The following C5orf22 variants were observed in gnomAD, a reference collection of about 807,000 sequenced individuals.
C5orf22 encodes UPF0489 protein C5orf22.
C5orf22 carries 36 observed loss-of-function variants against 48.7 expected under a neutral mutation model. The observed-to-expected ratio is 0.74, with a 90% CI of 0.57 to 0.98. The LOEUF (loss-of-function observed/expected upper bound fraction) is 0.98, where lower values mean the gene tolerates loss of function less well. C5orf22 is among the 50% of genes least tolerant of loss of function. The probability of loss-of-function intolerance (pLI) is 0.00; values close to 1 mark genes in which losing one functional copy is unlikely to be tolerated. For synonymous variants in C5orf22, 141 were observed against 180.8 expected, an observed-to-expected ratio of 0.78 and a Z score of 1.76; for missense variants, 486 against 521.9, an observed-to-expected ratio of 0.93 and a Z score of 0.67.
Position 31,535,045 on chromosome 5 carries a change from TTCA to T in C5orf22, c.227+629_227+631del, listed in dbSNP as rs761751222. 2.7e-4 allele frequency: 123 copies of T among 453,386 alleles called. 5 individuals carry two copies. The highest frequency in any genetic ancestry group is 1.9e-3 in the South Asian group (123 of 63,744). 28.1% of individuals were successfully genotyped at this position (453,386 alleles called of 1,614,324 possible). On this transcript the variant is annotated intron_variant, in intron 2 of 8. Transcript: ENST00000325366. ...GAAATATATGATGAAGATTCAGGCT[TTCA>T]CAGGCATGTAATTGGAAAAGGAAAG...
chr5:31,553,520 G>T lies in C5orf22; in HGVS notation c.*618G>T, dbSNP rs1743421322. 6.6e-6 allele frequency: 1 copy of T among 150,544 alleles called. No homozygotes were observed. Among genetic ancestry groups the T allele is most frequent in the African/African-American group, 2.5e-5 (1 of 40,804 alleles). 9.3% of individuals were successfully genotyped at this position (150,544 alleles called of 1,614,324 possible). A position where few individuals can be genotyped will look rare whatever the true frequency, so the allele number is the denominator to read the frequency against. Reference sequence around the variant, plus strand: ...GGGTCTCACCATGTTACCCAGGCTGGTCTCAAACTCCTGGGCACAAGCAAT... The same window carrying T: ...GGGTCTCACCATGTTACCCAGGCTGTTCTCAAACTCCTGGGCACAAGCAAT... On this transcript the variant is annotated 3_prime_UTR_variant, in exon 9 of 9. Coordinates refer to ENST00000325366, the MANE Select transcript of C5orf22 (RefSeq NM_018356.3).
rs145045522 is a variant in C5orf22, at chr5:31,538,569, C to T, written c.687C>T (p.Cys229=). Reference sequence around the variant, plus strand: ...CATGTTCTTCTGAAAATCAGGAATGCCAGACTGCTGCCAGCACTGGGGAAA... The same window carrying T: ...CATGTTCTTCTGAAAATCAGGAATGTCAGACTGCTGCCAGCACTGGGGAAA... ...SCSCSSENQE[C]QTAASTGEIL... is the part of the protein sequence containing the mutation. Residue 229 remains cysteine (C), a synonymous_variant, in exon 4 of 9, where the codon TGC becomes TGT. Coordinates refer to ENST00000325366, the MANE Select transcript of C5orf22 (RefSeq NM_018356.3). 665 of 1,613,942 alleles carry T rather than the reference C, an allele frequency of 4.1e-4. No individual in the cohort carries two copies. Among genetic ancestry groups the T allele is most frequent in the Non-Finnish European group, 5.5e-4 (647 of 1,179,898 alleles).
intron 7 of C5orf22, chr5:31,548,591 AG>A (rs1743043291): frequency 2.2e-6 from 1 of 451,406 alleles, no homozygotes; most frequent in Non-Finnish European, 4.4e-6. Context: ...ACAAGTCTCT[AG>A]GAAGTTCCAA....
intron 6 of C5orf22, among the ~76,000 whole-genome samples, chr5:31,542,745 G>A (rs1202479042): frequency 3.9e-5 from 6 of 152,096 alleles, no homozygotes; most frequent in African/African-American, 9.7e-5. Flanking sequence ...ATCTCAAACA[G>A]CCAGAAAACT....
intron 1 of C5orf22, among the ~76,000 whole-genome samples, chr5:31,533,005 A>G (rs900401944): frequency 2.0e-5 from 3 of 151,808 alleles, no homozygotes; most frequent in African/African-American, 7.3e-5. Context: ...CCCAGACTGG[A>G]GTGCAGTGGC....
chr5:31,538,466 GT>G lies in C5orf22; in HGVS notation c.585del (p.Cys195TrpfsTer22). 1 of 1,614,178 alleles carries G rather than the reference GT, an allele frequency of 6.2e-7. No individual in the cohort carries two copies. The highest frequency in any genetic ancestry group is 1.3e-5 in the African/African-American group (1 of 75,062). ...EDSENTASTN[C>X]DSSSEGLEKD... ...TCGGAAAACACTGCCTCTACTAACT[GT>G]GACTCTTCTTCAGAAGGACTGGAAA... On this transcript the variant is annotated frameshift_variant, in exon 4 of 9. Transcript: ENST00000325366. LOFTEE classifies it high-confidence loss of function.
intron 1 of C5orf22, 57 bp from the exon 2 acceptor site, chr5:31,534,215 G>A: frequency 7.1e-7 from 1 of 1,412,530 alleles, no homozygotes; most frequent in Non-Finnish European, 9.8e-7. Context: ...GTCTGCAGTT[G>A]AGTGTGTGCT....
chr5:31,538,631 T>C lies in C5orf22; in HGVS notation c.749T>C (p.Leu250Ser). ...TTGAAGAAAGGGAAGGCATTTGTTT[T>C]AGATATTGACTTGGATTTTTTTTCA... ...EILKKGKAFV[L>S]DIDLDFFSVK... The change falls in exon 4 of 9, where the codon TTA (leucine) becomes TCA (serine). Residue 250 changes from leucine to serine, a missense_variant. Physicochemically the swap from Leu to Ser is moderately radical, Grantham distance 145 (BLOSUM62 -2). Transcript: ENST00000325366. 6.2e-7 allele frequency: 1 copy of C among 1,614,054 alleles called. No individual in the cohort carries two copies. The highest frequency in any genetic ancestry group is 8.5e-7 in the Non-Finnish European group (1 of 1,179,976).
chr5:31,538,400 C>T lies in C5orf22; in HGVS notation c.518C>T (p.Ala173Val). 6.2e-7 allele frequency: 1 copy of T among 1,614,146 alleles called. No homozygotes were observed. Among genetic ancestry groups the T allele is most frequent in the South Asian group, 1.1e-5 (1 of 91,086 alleles). The change falls in exon 4 of 9, where the codon GCA (alanine) becomes GTA (valine). Residue 173 changes from alanine (A) to valine (V), a missense_variant. Transcript: ENST00000325366. ...KLCNNQEENDAVSSAKKPKLA... is the reference protein window; with the variant it reads ...KLCNNQEENDVVSSAKKPKLA... ...TGTAACAATCAAGAAGAAAACGATG[C>T]AGTGTCTTCTGCTAAGAAACCAAAG...
chr5:31,544,180 C>G (rs6884837), intron 6 of C5orf22, among the ~76,000 whole-genome samples: 37,825 of 152,044 alleles, frequency 0.25, 5,467 homozygotes, highest in Non-Finnish European at 0.34. Context: ...TTTTTTCTTT[C>G]TTTTTTTACT....
At chr5:31,551,082 A>G (rs1743228052) in intron 7 of C5orf22, among the ~76,000 whole-genome samples, 1 of 152,240 alleles carries the variant, frequency 6.6e-6, no homozygotes, top group Admixed American at 6.5e-5. Flanking sequence ...AAAATATTAA[A>G]AATTAAAAGT....
rs530349421 is a variant in C5orf22 at position 31,535,122 on chromosome 5, C to T, written c.228-622C>T. 2.1e-4 allele frequency: 82 copies of T among 391,478 alleles called. 2 individuals carry two copies. Among genetic ancestry groups the T allele is most frequent in the South Asian group, 1.1e-3 (60 of 54,460 alleles). The allele number at this position is 391,478 out of a possible 1,614,324, so 24.3% of individuals were successfully genotyped here. On this transcript the variant is annotated intron_variant, in intron 2 of 8. Transcript: ENST00000325366. ...TAATTGTGAATATTCTTTGATAGTGCGCCAAAACTTGAAAAGTAGTAGTTT... is the reference window on the plus strand; with the variant it reads ...TAATTGTGAATATTCTTTGATAGTGTGCCAAAACTTGAAAAGTAGTAGTTT...
chr5:31,549,577 G>T (rs914170060), intron 7 of C5orf22, among the ~76,000 whole-genome samples: 2 of 151,932 alleles, frequency 1.3e-5, no homozygotes, highest in Non-Finnish European at 2.9e-5. Flanking sequence ...GATACTTAAG[G>T]TTTGAAAATG....
intron 7 of C5orf22, among the ~76,000 whole-genome samples, chr5:31,547,741 A>C (rs948822759): frequency 2.6e-5 from 4 of 152,132 alleles, no homozygotes; most frequent in African/African-American, 9.7e-5. Flanking sequence ...TAGGCTGTAC[A>C]CAGCACTGGG....
rs965229157 is a variant in C5orf22 at position 31,551,426 on chromosome 5, T to C, written c.1193T>C (p.Ile398Thr). The C allele has an allele frequency of 6.2e-7, 1 of 1,610,154 alleles. No homozygotes were observed. The highest frequency in any genetic ancestry group is 1.7e-5 in the Admixed American group (1 of 59,264). ...KNLPNPTLVTIARSSLDDYCP... is the reference protein window; with the variant it reads ...KNLPNPTLVTTARSSLDDYCP... ...TTACCAAATCCTACTCTTGTGACAA[T>C]TGCAAGGTAAGTGTGTTCAGCAGAA... is the stretch of plus-strand genomic sequence containing the variant. Residue 398 changes from isoleucine to threonine, a missense_variant, in exon 8 of 9, where the codon ATT becomes ACT. Ile to Thr is a moderately conservative substitution (Grantham distance 89, BLOSUM62 -1). This residue lies in a region of C5orf22 where 408 missense variants were observed against 444.0 expected (regional missense o/e 0.92). Transcript: ENST00000325366.
intron 7 of C5orf22, 102 bp from the exon 8 acceptor site, chr5:31,551,191 G>A: frequency 9.1e-7 from 1 of 1,098,374 alleles, no homozygotes; most frequent in Non-Finnish European, 1.3e-6. Flanking sequence ...CATCTTTTAT[G>A]TATCAATAAA....
At chr5:31,549,693 T>C (rs1353874506) in intron 7 of C5orf22, among the ~76,000 whole-genome samples, 1 of 151,742 alleles carries the variant, frequency 6.6e-6, no homozygotes, top group Non-Finnish European at 1.5e-5. Flanking sequence ...CTGGGCAACA[T>C]GGCAAAACCC....
chr5:31,533,054 G>C (rs1445244368), intron 1 of C5orf22, among the ~76,000 whole-genome samples: 1 of 151,854 alleles, frequency 6.6e-6, no homozygotes, highest in Admixed American at 6.6e-5. Context: ...TCCTGGGTTC[G>C]AGCGATTCTT....
intron 6 of C5orf22, among the ~76,000 whole-genome samples, chr5:31,543,991 G>A (rs1742645597): frequency 1.3e-5 from 2 of 152,226 alleles, no homozygotes; most frequent in African/African-American, 4.8e-5. Flanking sequence ...AGATGACACT[G>A]AAAGAAAAGT....
Sources: gnomAD v4.1 joint callset for allele counts (sites outside exome capture counted in the v4.1 genomes callset) on GRCh38, gnomAD v4.1.1 for gene constraint, gnomAD v4.1.1 regional missense constraint, MANE v1.5 for transcripts, NCBI Gene and HGNC (gene_info 2026-07-23, HGNC 2026-07-21) for gene names.